PIP4K2A: variants seen among roughly 807,000 people sequenced by gnomAD.
PIP4K2A encodes the protein phosphatidylinositol 5-phosphate 4-kinase type-2 alpha.
PIP4K2A carries 14 observed loss-of-function variants against 42.9 expected under a neutral mutation model. The observed-to-expected ratio is 0.33, with a 90% CI of 0.22 to 0.51. The LOEUF (loss-of-function observed/expected upper bound fraction) is 0.51, where lower values mean the gene tolerates loss of function less well. PIP4K2A is among the 20% of genes least tolerant of loss of function. The pLI is 0.97. For synonymous variants in PIP4K2A, 192 were observed against 192.2 expected (o/e 1.00, Z 0.01); for missense variants, 434 against 519.8 (o/e 0.83, Z 1.61).
At chr10:22,551,071 G>A (rs1836400369) in intron 6 of PIP4K2A, among the ~76,000 whole-genome samples, 2 of 152,198 alleles carry the variant, frequency 1.3e-5, no homozygotes, top group Non-Finnish European at 2.9e-5. Context: ...GAACCTGACT[G>A]CTTTCTTAGA....
intron 1 of PIP4K2A, among the ~76,000 whole-genome samples, chr10:22,692,362 T>C (rs572117617): frequency 6.6e-6 from 1 of 152,226 alleles, no homozygotes; most frequent in South Asian, 2.1e-4. Context: ...CTTTGATCCT[T>C]TGCCCGCTGC....
At position 22,675,853 on chromosome 10, in the gene PIP4K2A, C is replaced by T. The variant is rs531004661; in HGVS notation, c.144+38330G>A. 1.7e-3 allele frequency among the ~76,000 whole-genome samples: 254 copies of T among 152,184 alleles called. 1 individual carries two copies. The highest frequency in any genetic ancestry group is 3.0e-3 in the Non-Finnish European group (205 of 68,018). On this transcript the variant is annotated intron_variant, in intron 1 of 9. Transcript: ENST00000376573. The stretch of plus-strand genomic sequence containing the variant: ...GTCATCCTTGAACAACACAGTGTTT[C>T]TCTGACATTTCCCGACTTGGAAGAA...
At chr10:22,639,523 G>A (rs1838735082) in intron 1 of PIP4K2A, among the ~76,000 whole-genome samples, 2 of 151,240 alleles carry the variant, frequency 1.3e-5, no homozygotes, top group Non-Finnish European at 2.9e-5. Flanking sequence ...AATGAGTGGG[G>A]AAAAAAGTGG....
intron 1 of PIP4K2A, among the ~76,000 whole-genome samples, chr10:22,713,648 G>A (rs762668626): frequency 6.6e-6 from 1 of 152,210 alleles, no homozygotes; most frequent in Non-Finnish European, 1.5e-5. Flanking sequence ...TAAAGCTGCT[G>A]CCCCAAATCT....
At chr10:22,615,054 T>C (rs1838143498) in intron 1 of PIP4K2A, among the ~76,000 whole-genome samples, 2 of 152,216 alleles carry the variant, frequency 1.3e-5, no homozygotes. Context: ...CCAACCATTC[T>C]ATATGATCTA....
chr10:22,569,103 A>G, intron 5 of PIP4K2A: 1 of 1,339,322 alleles, frequency 7.5e-7, no homozygotes, highest in Non-Finnish European at 1.0e-6. Flanking sequence ...CGAGCAGCTC[A>G]GGCATTGACT....
chr10:22,626,115 G>A (rs554022495), intron 1 of PIP4K2A, among the ~76,000 whole-genome samples: 4 of 152,200 alleles, frequency 2.6e-5, no homozygotes, highest in African/African-American at 9.6e-5. Context: ...CTGGTGGGAG[G>A]CTGCATTCCA....
intron 1 of PIP4K2A, among the ~76,000 whole-genome samples, chr10:22,634,004 G>C (rs553838102): frequency 2.0e-5 from 3 of 152,362 alleles, no homozygotes; most frequent in Admixed American, 2.0e-4. Flanking sequence ...CCCCAGAGTA[G>C]ACGCTTAATA....
intron 1 of PIP4K2A, among the ~76,000 whole-genome samples, chr10:22,709,075 C>T (rs376055031): frequency 1.3e-5 from 2 of 152,134 alleles, no homozygotes; most frequent in South Asian, 4.1e-4. Flanking sequence ...GCATGAGCCA[C>T]CTACCCAGCA....
At chr10:22,599,473 T>A (rs1209162822) in intron 3 of PIP4K2A, among the ~76,000 whole-genome samples, 2 of 152,340 alleles carry the variant, frequency 1.3e-5, no homozygotes, top group East Asian at 3.9e-4. Flanking sequence ...GACACACTCA[T>A]CCACCATGAG....
chr10:22,625,779 C>A (rs1691715169), intron 1 of PIP4K2A, among the ~76,000 whole-genome samples: 1 of 152,168 alleles, frequency 6.6e-6, no homozygotes, highest in African/African-American at 2.4e-5. Flanking sequence ...TTAGCCACAG[C>A]AATATCATGT....
At chr10:22,549,351 C>CTT (rs74261081) in intron 7 of PIP4K2A, among the ~76,000 whole-genome samples, 2 of 141,892 alleles carry the variant, frequency 1.4e-5, no homozygotes, top group African/African-American at 2.6e-5. Flanking sequence ...TTTTCTTTTT[C>CTT]TTTTTTTTTT....
intron 1 of PIP4K2A, among the ~76,000 whole-genome samples, chr10:22,640,425 G>A (rs1838757626): frequency 6.6e-6 from 1 of 152,166 alleles, no homozygotes; most frequent in African/African-American, 2.4e-5. Flanking sequence ...GCCTCAGCTT[G>A]TTTGTCAACA....
rs1564409320 is a variant in PIP4K2A at position 22,536,968 on chromosome 10, AC to A, written c.*232del. On this transcript the variant is annotated 3_prime_UTR_variant, in exon 10 of 10. Transcript: ENST00000376573. ...GCGCGCACACACTCACCCCCCCCCA[AC>A]ACACACACACACACATATACACAAA... 1 of 23,404 alleles carries A rather than the reference AC, an allele frequency of 4.3e-5. No homozygotes were observed. Among genetic ancestry groups the A allele is most frequent in the Non-Finnish European group, 7.2e-5 (1 of 13,938 alleles). The allele number at this position is 23,404 out of a possible 1,614,324, so 1.4% of individuals were successfully genotyped here. A position where few individuals can be genotyped will look rare whatever the true frequency, so the allele number is the denominator to read the frequency against.
At chr10:22,712,591 G>C (rs1012849887) in intron 1 of PIP4K2A, among the ~76,000 whole-genome samples, 4 of 152,132 alleles carry the variant, frequency 2.6e-5, no homozygotes, top group Admixed American at 2.6e-4. Flanking sequence ...ACTCTACATT[G>C]TAAACTTATT....
At chr10:22,658,153 T>G (rs1353141349) in intron 1 of PIP4K2A, among the ~76,000 whole-genome samples, 1 of 152,232 alleles carries the variant, frequency 6.6e-6, no homozygotes, top group African/African-American at 2.4e-5. Context: ...TCAGAATTAG[T>G]AGAATTTCAA....
At chr10:22,705,238 A>C (rs373677917) in intron 1 of PIP4K2A, among the ~76,000 whole-genome samples, 1 of 151,970 alleles carries the variant, frequency 6.6e-6, no homozygotes, top group Non-Finnish European at 1.5e-5. Context: ...GGCAAATTTT[A>C]AAGTAACCCT....
intron 3 of PIP4K2A, among the ~76,000 whole-genome samples, chr10:22,599,207 C>T (rs1837697875): frequency 1.3e-5 from 2 of 152,172 alleles, no homozygotes; most frequent in South Asian, 4.1e-4. Flanking sequence ...GTATACAACT[C>T]AACAGTTTTT....
At chr10:22,687,127 G>A (rs1839781022) in intron 1 of PIP4K2A, among the ~76,000 whole-genome samples, 1 of 148,954 alleles carries the variant, frequency 6.7e-6, no homozygotes, top group Non-Finnish European at 1.5e-5. Context: ...ATTCAAGTAG[G>A]CAAGAATAAG....
Sources: gnomAD v4.1 joint callset for allele counts (sites outside exome capture counted in the v4.1 genomes callset) on GRCh38, gnomAD v4.1.1 for gene constraint, MANE v1.5 for transcripts, NCBI Gene and HGNC (gene_info 2026-07-23, HGNC 2026-07-21) for gene names.